PDXK: variants seen among roughly 807,000 people sequenced by gnomAD.
The protein encoded by PDXK is epididymis secretory sperm binding protein Li 1a.
PDXK carries 15 observed loss-of-function variants against 43.2 expected under a neutral mutation model. The ratio of observed to expected loss-of-function variants is 0.35; its 90% CI spans 0.23 to 0.53. The LOEUF is 0.53. PDXK is among the 20% of genes least tolerant of loss of function. The probability of loss-of-function intolerance (pLI) is 0.92; values close to 1 mark genes in which losing one functional copy is unlikely to be tolerated. For missense variants in PDXK, 343 were observed against 417.0 expected, an observed-to-expected ratio of 0.82 and a Z score of 1.54; for synonymous variants, 172 against 165.4, an observed-to-expected ratio of 1.04 and a Z score of -0.31.
intron 8 of PDXK, 101 bp from the exon 9 acceptor site, chr21:43,753,482 T>A: frequency 7.8e-7 from 1 of 1,280,114 alleles, no homozygotes. Flanking sequence ...TCTGCCCCTG[T>A]GACCCTCCCT....
rs1416879683 is a variant in PDXK at position 43,757,999 on chromosome 21, T to A, written c.*1936T>A. The A allele has an allele frequency of 6.5e-6, 1 of 152,672 alleles. No individual in the cohort carries two copies. The allele number at this position is 152,672 out of a possible 1,614,324, so 9.5% of individuals were successfully genotyped here. A position where few individuals can be genotyped will look rare whatever the true frequency, so the allele number is the denominator to read the frequency against. ...GCTTTTCTTTTTCTTTTTTTTTTTT[T>A]TTTAAACACCAAGAGCACGTATAGC... On this transcript the variant is annotated 3_prime_UTR_variant, in exon 11 of 11. Transcript: ENST00000291565.
At chr21:43,752,493 C>T in intron 7 of PDXK, 25 bp from the exon 8 acceptor site, 1 of 1,522,112 alleles carries the variant, frequency 6.6e-7, no homozygotes. Context: ...CCGGCCGTGG[C>T]TGACGCTCCC....
chr21:43,732,540 C>A lies in PDXK; in HGVS notation c.88-1529C>A. ...CTTCATTCTCGGATACGTTTGCCAG[C>A]CCCAAAGGATTAATTATCTACACAC... is the stretch of plus-strand genomic sequence containing the variant. On this transcript the variant is annotated intron_variant, in intron 1 of 10. Coordinates refer to ENST00000291565, the MANE Select transcript of PDXK (RefSeq NM_003681.5). This position sits in a 1 kb window ranked among gnomAD's most constrained non-coding sequence, Gnocchi z 4.1. The A allele has an allele frequency of 9.0e-7, 1 of 1,110,704 alleles. No individual in the cohort carries two copies. Among genetic ancestry groups the A allele is most frequent in the Non-Finnish European group, 1.4e-6 (1 of 721,040 alleles). 68.8% of individuals were successfully genotyped at this position (1,110,704 alleles called of 1,614,324 possible). A position where few individuals can be genotyped will look rare whatever the true frequency, so the allele number is the denominator to read the frequency against.
chr21:43,728,463 G>A (rs530347989), intron 1 of PDXK, among the ~76,000 whole-genome samples: 4 of 152,318 alleles, frequency 2.6e-5, no homozygotes, highest in African/African-American at 9.6e-5. Flanking sequence ...CCTGGAACTA[G>A]GGTGGTCAGG....
rs1334510129 is a variant in PDXK, at chr21:43,732,556, A to G, written c.88-1513A>G. 4.2e-6 allele frequency: 4 copies of G among 960,476 alleles called. No homozygotes were observed. The Admixed American group carries it at 6.8e-5, about 16-fold the overall frequency. The allele number at this position is 960,476 out of a possible 1,614,324, so 59.5% of individuals were successfully genotyped here. A position where few individuals can be genotyped will look rare whatever the true frequency, so the allele number is the denominator to read the frequency against. Reference sequence around the variant, plus strand: ...GTTTGCCAGCCCCAAAGGATTAATTATCTACACACCCAGAAGCAGTGGAGC... The same window carrying G: ...GTTTGCCAGCCCCAAAGGATTAATTGTCTACACACCCAGAAGCAGTGGAGC... On this transcript the variant is annotated intron_variant, in intron 1 of 10. Coordinates refer to ENST00000291565, the MANE Select transcript of PDXK (RefSeq NM_003681.5). The surrounding 1 kb of genome is among the most constrained non-coding windows in gnomAD (Gnocchi z 4.1).
intron 1 of PDXK, among the ~76,000 whole-genome samples, chr21:43,728,005 T>A (rs2083271123): frequency 6.6e-6 from 1 of 152,172 alleles, no homozygotes; most frequent in Non-Finnish European, 1.5e-5. Context: ...TGGCAGCCCC[T>A]GCCCAGCTGG....
chr21:43,741,554 G>C, intron 2 of PDXK, 113 bp from the exon 3 acceptor site: 17 of 1,530,194 alleles, frequency 1.1e-5, no homozygotes, highest in East Asian at 2.3e-5. Flanking sequence ...CCAGTCCATG[G>C]GGAGGAGCCG....
At position 43,725,904 on chromosome 21, in the gene PDXK, G is replaced by T. The variant is rs572028122; in HGVS notation, c.87+6523G>T. Reference sequence around the variant, plus strand: ...GGTGGCCCGCACTAACTTCCTTAGAGGTGATGCTGATGCTGTATGTTGGAG... The same window carrying T: ...GGTGGCCCGCACTAACTTCCTTAGATGTGATGCTGATGCTGTATGTTGGAG... On this transcript the variant is annotated intron_variant, in intron 1 of 10. Transcript: ENST00000291565. Among the ~76,000 whole-genome samples the T allele has an allele frequency of 3.3e-5, 5 of 152,312 alleles. No homozygotes were observed. In the East Asian group the frequency reaches 9.6e-4, roughly 29 times the overall value.
At chr21:43,722,664 G>A (rs1212798937) in intron 1 of PDXK, among the ~76,000 whole-genome samples, 2 of 151,954 alleles carry the variant, frequency 1.3e-5, no homozygotes, top group African/African-American at 4.8e-5. Context: ...TCCAGCTCTC[G>A]GTGGCCCCAG....
At chr21:43,753,206 G>T (rs2083784861) in intron 8 of PDXK, among the ~76,000 whole-genome samples, 1 of 151,458 alleles carries the variant, frequency 6.6e-6, no homozygotes. Flanking sequence ...GCACACACAG[G>T]CATACATGCA....
At chr21:43,741,904 C>T in intron 3 of PDXK, 133 bp downstream of exon 3, 1 of 666,148 alleles carries the variant, frequency 1.5e-6, no homozygotes, top group Non-Finnish European at 2.7e-6. Flanking sequence ...CCTTGGCGTG[C>T]CCAAGCCACC....
rs1601820039 is a variant in PDXK, at chr21:43,744,235, G to A, written c.331+428G>A. 3.3e-5 allele frequency among the ~76,000 whole-genome samples: 5 copies of A among 152,040 alleles called. No individual in the cohort carries two copies. In the South Asian group the frequency reaches 1.0e-3, roughly 32 times the overall value. ...GGCCAGGCTAGGGAGTGGGGGGAGG[G>A]AGGGTCACACCCAGGCTGGGCCCGC... On this transcript the variant is annotated intron_variant, in intron 4 of 10. Transcript: ENST00000291565.
In PDXK at chr21:43,732,565, C is replaced by A; in HGVS notation, c.88-1504C>A. 1.1e-6 allele frequency: 1 copy of A among 916,180 alleles called. No individual in the cohort carries two copies. The highest frequency in any genetic ancestry group is 1.8e-6 in the Non-Finnish European group (1 of 542,946). The allele number at this position is 916,180 out of a possible 1,614,324, so 56.8% of individuals were successfully genotyped here. Reference sequence around the variant, plus strand: ...CCCCAAAGGATTAATTATCTACACACCCAGAAGCAGTGGAGCAGAATATTT... The same window carrying A: ...CCCCAAAGGATTAATTATCTACACAACCAGAAGCAGTGGAGCAGAATATTT... On this transcript the variant is annotated intron_variant, in intron 1 of 10. Transcript: ENST00000291565. This position sits in a 1 kb window ranked among gnomAD's most constrained non-coding sequence, Gnocchi z 4.1.
intron 9 of PDXK, among the ~76,000 whole-genome samples, chr21:43,755,141 G>A (rs1279541475): frequency 6.6e-6 from 1 of 152,206 alleles, no homozygotes; most frequent in Non-Finnish European, 1.5e-5. Flanking sequence ...GTGGAGTCGG[G>A]GAGCGAGTTC....
At position 43,752,553 on chromosome 21, in the gene PDXK, C is replaced by T. The variant is rs778337127; in HGVS notation, c.546C>T (p.Thr182=). The T allele has an allele frequency of 1.9e-5, 30 of 1,612,488 alleles. No individual in the cohort carries two copies. In the East Asian group the frequency reaches 2.9e-4, roughly 16 times the overall value. Residue 182 remains threonine (T), a synonymous_variant, in exon 8 of 11, where the codon ACC becomes ACT. Coordinates refer to ENST00000291565, the MANE Select transcript of PDXK (RefSeq NM_003681.5). ...TGCTGCACTCTATGGGCCCCGACAC[C>T]GTGGTCATCACCAGCTCCGACCTGC... ...MDMLHSMGPD[T]VVITSSDLPS... is the part of the protein sequence containing the mutation.
At chr21:43,725,179 C>T (rs1382353647) in intron 1 of PDXK, among the ~76,000 whole-genome samples, 1 of 152,030 alleles carries the variant, frequency 6.6e-6, no homozygotes, top group African/African-American at 2.4e-5. Flanking sequence ...AAAAATTAGC[C>T]AGGCGTGGTG....
intron 5 of PDXK, 142 bp from the exon 6 acceptor site, chr21:43,748,853 C>T: frequency 1.6e-6 from 1 of 630,786 alleles, no homozygotes; most frequent in Non-Finnish European, 2.8e-6. Context: ...CAACTTATCG[C>T]TACAGTCGGG....
chr21:43,755,932 C>T lies in PDXK; in HGVS notation c.827-19C>T, dbSNP rs746166817. 1 of 1,577,882 alleles carries T rather than the reference C, an allele frequency of 6.3e-7. No homozygotes were observed. Among genetic ancestry groups the T allele is most frequent in the African/African-American group, 1.3e-5 (1 of 74,230 alleles). ...GCCCCTCTGAGATGGGAACTCAGTG[C>T]TCTCTGCCTGCCCCGCAGCCCAGGC... On this transcript the variant is annotated intron_variant, in intron 10 of 10. Coordinates refer to ENST00000291565, the MANE Select transcript of PDXK (RefSeq NM_003681.5).
rs1478913553 is a variant in PDXK, at chr21:43,732,346, T to C, written c.88-1723T>C. The C allele has an allele frequency of 1.2e-6, 2 of 1,608,646 alleles. No individual in the cohort carries two copies. The stretch of plus-strand genomic sequence containing the variant: ...CCGCCCCCCGTGCATTGTCGTCTTC[T>C]GAGTCTGGCTTTGTCTGGCACATGA... On this transcript the variant is annotated intron_variant, in intron 1 of 10. Coordinates refer to ENST00000291565, the MANE Select transcript of PDXK (RefSeq NM_003681.5). The surrounding 1 kb of genome is among the most constrained non-coding windows in gnomAD (Gnocchi z 4.1).
Sources: gnomAD v4.1 joint callset for allele counts (sites outside exome capture counted in the v4.1 genomes callset) on GRCh38, gnomAD v4.1.1 for gene constraint, Gnocchi (gnomAD v3.1) non-coding constraint, MANE v1.5 for transcripts, NCBI Gene and HGNC (gene_info 2026-07-23, HGNC 2026-07-21) for gene names.